DLC1: variants seen among roughly 807,000 people sequenced by gnomAD.
DLC1 encodes the protein rho GTPase-activating protein 7.
A neutral mutation model predicts 140.3 loss-of-function variants in DLC1; 54 were observed. The ratio of observed to expected loss-of-function variants is 0.38; its 90% CI spans 0.31 to 0.48. The LOEUF (loss-of-function observed/expected upper bound fraction) is 0.48. Among genes scored for constraint, DLC1 ranks in the 20% least tolerant of loss-of-function variants. DLC1 has a pLI of 0.96. For synonymous variants in DLC1, 986 were observed against 728.1 expected (o/e 1.35, Z -5.70); for missense variants, 2,536 against 1,907.0 (o/e 1.33, Z -6.14).
upstream of DLC1, among the ~76,000 whole-genome samples, chr8:13,517,364 A>C (rs1393761018): frequency 1.3e-5 from 2 of 152,224 alleles, no homozygotes; most frequent in Non-Finnish European, 2.9e-5. Flanking sequence ...AATGCCTTTT[A>C]GATATCTAGA....
At chr8:13,247,356 C>G (rs1829808932) in intron 5 of DLC1, among the ~76,000 whole-genome samples, 1 of 152,186 alleles carries the variant, frequency 6.6e-6, no homozygotes, top group Admixed American at 6.5e-5. Context: ...CTATAGAAGA[C>G]ACAATACCTT....
chr8:13,542,285 A>G (rs1803509839), intron 1 of DLC1, among the ~76,000 whole-genome samples: 1 of 152,190 alleles, frequency 6.6e-6, no homozygotes, highest in African/African-American at 2.4e-5. Flanking sequence ...CAAATTTTCC[A>G]GTAGCAATTG....
intron 3 of DLC1, among the ~76,000 whole-genome samples, chr8:13,397,071 T>G (rs1437454828): frequency 6.6e-6 from 1 of 152,148 alleles, no homozygotes; most frequent in Non-Finnish European, 1.5e-5. Context: ...CTGTGGGGTT[T>G]TTATCATGGC....
intron 4 of DLC1, among the ~76,000 whole-genome samples, chr8:13,388,663 AAAAT>A (rs1248864686): frequency 6.6e-6 from 1 of 152,036 alleles, no homozygotes; most frequent in African/African-American, 2.4e-5. Flanking sequence ...TTATTTTTGA[AAAAT>A]AACATCTGAT....
chr8:13,257,878 T>G (rs879609248), intron 5 of DLC1, among the ~76,000 whole-genome samples: 1 of 152,194 alleles, frequency 6.6e-6, no homozygotes, highest in Non-Finnish European at 1.5e-5. Context: ...AGGAGCAAGC[T>G]TTGTATGCAT....
At chr8:13,305,090 A>G (rs1832365838) in intron 5 of DLC1, 179 bp downstream of exon 5, 1 of 1,284,884 alleles carries the variant, frequency 7.8e-7, no homozygotes, top group African/African-American at 1.5e-5. Context: ...ATGTCAGAAA[A>G]CCACGTATAT....
intron 5 of DLC1, among the ~76,000 whole-genome samples, chr8:13,232,934 A>G (rs1014171421): frequency 6.6e-6 from 1 of 152,222 alleles, no homozygotes; most frequent in African/African-American, 2.4e-5. Flanking sequence ...TCCCTGACTA[A>G]TCAATAACAT....
rs149850102 is a variant in DLC1, at chr8:13,214,673, G to A, written c.1348+90596C>T. On this transcript the variant is annotated intron_variant, in intron 5 of 17. Coordinates refer to ENST00000276297, the MANE Select transcript of DLC1 (RefSeq NM_182643.3). ...GCAACATGGAAAAGCCTCTTCTGGG[G>A]AAAGGTGTAAGGAGACAAACCAATT... The A allele has an allele frequency of 1.7e-5, 13 of 780,828 alleles. No individual in the cohort carries two copies. The South Asian group carries it at 1.7e-4, about 10-fold the overall frequency. The allele number at this position is 780,828 out of a possible 1,614,324, so 48.4% of individuals were successfully genotyped here.
chr8:13,558,777 A>G (rs1804142946), intron 1 of DLC1: 1 of 152,176 alleles, frequency 6.6e-6, no homozygotes, highest in Admixed American at 6.5e-5. Context: ...TTCATCCTAA[A>G]TTAAGTTTCT....
At chr8:13,569,716 T>C (rs1396409757) in intron 1 of DLC1, among the ~76,000 whole-genome samples, 1 of 152,210 alleles carries the variant, frequency 6.6e-6, no homozygotes, top group South Asian at 2.1e-4. Flanking sequence ...TACTATTTTT[T>C]AAATTTGTTA....
At chr8:13,293,889 T>C (rs1729127) in intron 5 of DLC1, among the ~76,000 whole-genome samples, 151,854 of 152,268 alleles carry the variant, frequency 1, 75,721 homozygotes, top group Middle Eastern at 1. Context: ...ATTTGTCTCA[T>C]CTAATTAGCA....
At chr8:13,477,314 G>A (rs1800478533) in intron 2 of DLC1, among the ~76,000 whole-genome samples, 1 of 152,178 alleles carries the variant, frequency 6.6e-6, no homozygotes, top group South Asian at 2.1e-4. Flanking sequence ...AAAGAAAGTG[G>A]AAGACACAGA....
intron 4 of DLC1, among the ~76,000 whole-genome samples, chr8:13,370,354 T>A (rs905261638): frequency 2.0e-5 from 3 of 152,188 alleles, no homozygotes; most frequent in Admixed American, 6.5e-5. Flanking sequence ...AGGTGTTTGA[T>A]GAGCATTTGT....
chr8:13,574,203 T>C (rs1199346820), intron 1 of DLC1, among the ~76,000 whole-genome samples: 1 of 152,224 alleles, frequency 6.6e-6, no homozygotes, highest in East Asian at 1.9e-4. Context: ...AGTGGCAAAT[T>C]AGCGTAAAGC....
chr8:13,275,742 G>A (rs539399192), intron 5 of DLC1, among the ~76,000 whole-genome samples: 4 of 152,090 alleles, frequency 2.6e-5, no homozygotes, highest in East Asian at 3.9e-4. Flanking sequence ...TCTTGGAACC[G>A]AGAGTAGCTC....
At position 13,579,315 on chromosome 8, in the gene DLC1, T is replaced by TTTTTTATATATATA. The variant is rs1487346725; in HGVS notation, c.-126+25221_-126+25222insTATATATATAAAAA. 4.7e-4 allele frequency among the ~76,000 whole-genome samples: 5 copies of TTTTTTATATATATA among 10,670 alleles called. 1 individual carries two copies. The highest frequency in any genetic ancestry group is 8.2e-4 in the Non-Finnish European group (5 of 6,086). 7.0% of individuals were successfully genotyped at this position (10,670 alleles called of 152,430 possible). On this transcript the variant is annotated intron_variant, in intron 1 of 1. Coordinates refer to the DLC1 transcript ENST00000631382. Reference sequence around the variant, plus strand: ...AAAGTCAGATACCACAGGTCTGACTTTATATATATATATATATATATATAT... The same window carrying TTTTTTATATATATA: ...AAAGTCAGATACCACAGGTCTGACTTTTTTTATATATATATATATATATATATATATATATATAT...
At chr8:13,247,645 T>C (rs1042341427) in intron 5 of DLC1, among the ~76,000 whole-genome samples, 12 of 152,204 alleles carry the variant, frequency 7.9e-5, no homozygotes, top group African/African-American at 2.9e-4. Flanking sequence ...CTCTCAATTG[T>C]CGCATGATAC....
At position 13,441,130 on chromosome 8, in the gene DLC1, C is replaced by T. The variant is rs539616182; in HGVS notation, c.1024-39511G>A. 3.9e-5 allele frequency among the ~76,000 whole-genome samples: 6 copies of T among 152,288 alleles called. No individual in the cohort carries two copies. The South Asian group carries it at 1.0e-3, about 26-fold the overall frequency. The stretch of plus-strand genomic sequence containing the variant: ...CAATACATTTAAAACTGCCCAGATG[C>T]AGAAAAGGACTTTGACAAAATTCAA... On this transcript the variant is annotated intron_variant, in intron 2 of 17. Coordinates refer to ENST00000276297, the MANE Select transcript of DLC1 (RefSeq NM_182643.3).
upstream of DLC1, among the ~76,000 whole-genome samples, chr8:13,516,814 G>A (rs557661801): frequency 2.2e-4 from 34 of 152,200 alleles, no homozygotes; most frequent in African/African-American, 8.2e-4. Context: ...AATTTTGCGT[G>A]TATTCATATG....
Sources: allele counts gnomAD v4.1 joint callset (sites outside exome capture counted in the v4.1 genomes callset), GRCh38; gene constraint gnomAD v4.1.1; transcripts MANE v1.5; gene names NCBI Gene and HGNC (gene_info 2026-07-23, HGNC 2026-07-21).